Variants in TCHHL1 observed in about 807,000 individuals in gnomAD.
TCHHL1 encodes trichohyalin-like protein 1.
Under a neutral mutation model 3.5 loss-of-function variants are expected in TCHHL1, and 1 was observed. That is an observed-to-expected ratio of 0.29 (90% confidence interval 0.10 to 1.36). TCHHL1 has a LOEUF of 1.36. Among genes scored for constraint, TCHHL1 ranks in the 40% most tolerant of loss-of-function variants. The probability of loss-of-function intolerance (pLI) is 0.43; values close to 1 mark genes in which losing one functional copy is unlikely to be tolerated. For missense variants in TCHHL1, 1,027 were observed against 1,032.8 expected, an observed-to-expected ratio of 0.99 and a Z score of 0.08; for synonymous variants, 405 against 375.3, an observed-to-expected ratio of 1.08 and a Z score of -0.92.
Position 152,087,387 on chromosome 1 carries a change from C to T in TCHHL1, c.295G>A (p.Val99Met), listed in dbSNP as rs954316131. The T allele has an allele frequency of 2.5e-6, 4 of 1,613,302 alleles. No individual in the cohort carries two copies. The highest frequency in any genetic ancestry group is 2.5e-6 in the Non-Finnish European group (3 of 1,180,020). ...KSLLSSELRQ[V>M]TKPEKEKLDD... Reference sequence around the variant, plus strand: ...AGCTTCTCCTTCTCTGGTTTAGTCACCTGTCTTAGTTCAGAACTTAGTAAT... The same window carrying T: ...AGCTTCTCCTTCTCTGGTTTAGTCATCTGTCTTAGTTCAGAACTTAGTAAT... Residue 99 changes from valine (V) to methionine (M), a missense_variant, in exon 3 of 3, where the codon GTG (valine) becomes ATG (methionine). Val to Met is a conservative substitution (Grantham distance 21, BLOSUM62 1). Coordinates refer to ENST00000368806, the MANE Select transcript of TCHHL1 (RefSeq NM_001008536.2).
Position 152,085,026 on chromosome 1 carries a change from C to A in TCHHL1, c.2656G>T (p.Gly886Cys). The change falls in exon 3 of 3, where the codon GGT becomes TGT. Residue 886 changes from glycine to cysteine, a missense_variant. By Grantham distance (159) the Gly-to-Cys change is radical (BLOSUM62 -3). Coordinates refer to ENST00000368806, the MANE Select transcript of TCHHL1 (RefSeq NM_001008536.2). Reference sequence around the variant, plus strand: ...ACCAGCCTCTCTCTCTGAGGGTGACCTTGCTTATCTTCCAAGGCCTGGGGA... The same window carrying A: ...ACCAGCCTCTCTCTCTGAGGGTGACATTGCTTATCTTCCAAGGCCTGGGGA... Reference protein sequence around the residue: ...PAPQALEDKQGHPQRERLVLQ... With the variant: ...PAPQALEDKQCHPQRERLVLQ... 6.2e-7 allele frequency: 1 copy of A among 1,614,056 alleles called. No homozygotes were observed. Among genetic ancestry groups the A allele is most frequent in the Non-Finnish European group, 8.5e-7 (1 of 1,180,016 alleles).
chr1:152,085,485 T>C lies in TCHHL1; in HGVS notation c.2197A>G (p.Lys733Glu), dbSNP rs373015496. The change falls in exon 3 of 3, where the codon AAG becomes GAG. Residue 733 changes from lysine to glutamate, a missense_variant. Physicochemically the swap from Lys to Glu is moderately conservative, Grantham distance 56. This residue lies in a region of TCHHL1 where 673 missense variants were observed against 658.6 expected (regional missense o/e 1.02). Transcript: ENST00000368806. ...SLDEDNSASL[K>E]IQLETKEPVT... ...GGTTCCTTTGTTTCAAGTTGTATCT[T>C]GAGGGAGGCTGAATTGTCCTCATCT... The C allele has an allele frequency of 6.2e-7, 1 of 1,614,100 alleles. No homozygotes were observed. The highest frequency in any genetic ancestry group is 1.3e-5 in the African/African-American group (1 of 74,940).
Position 152,085,670 on chromosome 1 carries a change from T to C in TCHHL1, c.2012A>G (p.Glu671Gly). Residue 671 changes from glutamate (E) to glycine (G), a missense_variant, in exon 3 of 3, where the codon GAG becomes GGG. By Grantham distance (98) the Glu-to-Gly change is moderately conservative (BLOSUM62 -2). Transcript: ENST00000368806. ...GTCTTCATCCAGGGCACCTGTGATCTCTATTTCCAGGGACTTTCTATTTTC... is the reference window on the plus strand; with the variant it reads ...GTCTTCATCCAGGGCACCTGTGATCCCTATTTCCAGGGACTTTCTATTTTC... ...GDENRKSLEI[E>G]ITGALDEDFT... 6.2e-7 allele frequency: 1 copy of C among 1,614,200 alleles called. No individual in the cohort carries two copies.
chr1:152,087,035 T>A lies in TCHHL1; in HGVS notation c.647A>T (p.Lys216Ile). 6.2e-7 allele frequency: 1 copy of A among 1,614,164 alleles called. No individual in the cohort carries two copies. Among genetic ancestry groups the A allele is most frequent in the Non-Finnish European group, 8.5e-7 (1 of 1,180,016 alleles). The change falls in exon 3 of 3, where the codon AAA becomes ATA. Residue 216 changes from lysine (K) to isoleucine (I), a missense_variant. Physicochemically the swap from Lys to Ile is moderately radical, Grantham distance 102. This residue lies in a region of TCHHL1 where 338 missense variants were observed against 335.9 expected (regional missense o/e 1.01). Coordinates refer to ENST00000368806, the MANE Select transcript of TCHHL1 (RefSeq NM_001008536.2). ...CCTCTCTGTGGGACTGCTGGTCTTT[T>A]TTGATCCTGCCATTGGCTTATTTGT... ...LKTNKPMAGS[K>I]KTSSPTERKG...
Position 152,085,729 on chromosome 1 carries a change from T to C in TCHHL1, c.1953A>G (p.Gly651=). Residue 651 remains glycine, a synonymous_variant, in exon 3 of 3, where the codon GGA becomes GGG. Transcript: ENST00000368806. ...KGPGAAVEPN[G]HPEAQESTAG... is the part of the protein sequence containing the mutation. ...CTGTGGATTCCTGTGCTTCTGGGTG[T>C]CCATTGGGCTCCACAGCTGCACCTG... 6.2e-7 allele frequency: 1 copy of C among 1,614,164 alleles called. No homozygotes were observed. The highest frequency in any genetic ancestry group is 8.5e-7 in the Non-Finnish European group (1 of 1,180,022).
Position 152,085,169 on chromosome 1 carries a change from G to A in TCHHL1, c.2513C>T (p.Ser838Phe), listed in dbSNP as rs1170212535. 1.9e-6 allele frequency: 3 copies of A among 1,614,168 alleles called. No homozygotes were observed. The Admixed American group carries it at 5.0e-5, about 27-fold the overall frequency. Reference protein sequence around the residue: ...QASGPELCSVSLTSEISDCSV... With the variant: ...QASGPELCSVFLTSEISDCSV... ...ACAATCTGAGATCTCACTGGTGAGG[G>A]ATACACTGCAAAGCTCTGGGCCTGA... The change falls in exon 3 of 3, where the codon TCC becomes TTC. Residue 838 changes from serine (S) to phenylalanine (F), a missense_variant. Coordinates refer to ENST00000368806, the MANE Select transcript of TCHHL1 (RefSeq NM_001008536.2).
In TCHHL1 at chr1:152,087,422, T is replaced by C. The variant is rs1320572975; in HGVS notation, c.260A>G (p.Asp87Gly). Residue 87 changes from aspartate (D) to glycine (G), a missense_variant, in exon 3 of 3, where the codon GAC (aspartate) becomes GGC (glycine). Asp to Gly is a moderately conservative substitution (Grantham distance 94). This residue lies in a region of TCHHL1 where 338 missense variants were observed against 335.9 expected (regional missense o/e 1.01). Transcript: ENST00000368806. ...IFNLLNLCYL[D>G]IKSLLSSELR... ...TTCAGAACTTAGTAATGATTTTATG[T>C]CAAGATAACAGAGGTTCAACAAGTT... is the stretch of plus-strand genomic sequence containing the variant. 1 of 1,611,554 alleles carries C rather than the reference T, an allele frequency of 6.2e-7. No individual in the cohort carries two copies. Among genetic ancestry groups the C allele is most frequent in the Non-Finnish European group, 8.5e-7 (1 of 1,180,002 alleles).
chr1:152,086,753 G>C lies in TCHHL1; in HGVS notation c.929C>G (p.Ala310Gly). 6.2e-7 allele frequency: 1 copy of C among 1,614,198 alleles called. No individual in the cohort carries two copies. The highest frequency in any genetic ancestry group is 8.5e-7 in the Non-Finnish European group (1 of 1,180,038). Reference protein sequence around the residue: ...SSQHADLPEQAAARSPSQTQK... With the variant: ...SSQHADLPEQGAARSPSQTQK... The stretch of plus-strand genomic sequence containing the variant: ...TGTCTGAGATGGTGACCTGGCAGCA[G>C]CTTGTTCTGGCAGGTCAGCATGCTG... Residue 310 changes from alanine (A) to glycine (G), a missense_variant, in exon 3 of 3, where the codon GCT becomes GGT. Ala to Gly is a moderately conservative substitution (Grantham distance 60). Around this residue, in one of 3 missense-constraint regions of TCHHL1, gnomAD observed 16 missense variants for 38.3 expected, o/e 0.42. Coordinates refer to ENST00000368806, the MANE Select transcript of TCHHL1 (RefSeq NM_001008536.2).
rs375554341 is a variant in TCHHL1, at chr1:152,085,847, G to T, written c.1835C>A (p.Pro612Gln). 30 of 1,614,128 alleles carry T rather than the reference G, an allele frequency of 1.9e-5. No individual in the cohort carries two copies. The highest frequency in any genetic ancestry group is 2.5e-5 in the Non-Finnish European group (30 of 1,180,026). The change falls in exon 3 of 3, where the codon CCA becomes CAA. Residue 612 changes from proline (P) to glutamine (Q), a missense_variant. Physicochemically the swap from Pro to Gln is moderately conservative, Grantham distance 76 (BLOSUM62 -1). Around this residue, in one of 3 missense-constraint regions of TCHHL1, gnomAD observed 673 missense variants for 658.6 expected, o/e 1.02. Coordinates refer to ENST00000368806, the MANE Select transcript of TCHHL1 (RefSeq NM_001008536.2). ...CTGTACATCCTCTCCTCTGACTGCT[G>T]GTACCACTGCCTCCAGAGCTCTGTT... The part of the protein sequence containing the change: ...EKNRALEAVV[P>Q]AVRGEDVQLT...
In TCHHL1 at chr1:152,085,335, G is replaced by C. The variant is rs142545533; in HGVS notation, c.2347C>G (p.Gln783Glu). Reference protein sequence around the residue: ...VPWSSLEKQMQRDQEPCSVER... With the variant: ...VPWSSLEKQMERDQEPCSVER... The stretch of plus-strand genomic sequence containing the variant: ...ACAGAACAGGGCTCTTGGTCTCTCT[G>C]CATCTGCTTTTCAAGACTTGACCAG... The change falls in exon 3 of 3, where the codon CAG becomes GAG. Residue 783 changes from glutamine (Q) to glutamate (E), a missense_variant. By Grantham distance (29) the Gln-to-Glu change is conservative. Around this residue, in one of 3 missense-constraint regions of TCHHL1, gnomAD observed 673 missense variants for 658.6 expected, o/e 1.02. Coordinates refer to ENST00000368806, the MANE Select transcript of TCHHL1 (RefSeq NM_001008536.2). The C allele has an allele frequency of 9.3e-6, 15 of 1,614,038 alleles. No homozygotes were observed. The African/African-American group carries it at 1.9e-4, about 20-fold the overall frequency.
Position 152,085,665 on chromosome 1 carries a change from T to A in TCHHL1, c.2017A>T (p.Thr673Ser), listed in dbSNP as rs1657706737. 1.9e-6 allele frequency: 3 copies of A among 1,614,208 alleles called. No individual in the cohort carries two copies. Among genetic ancestry groups the A allele is most frequent in the East Asian group, 4.5e-5 (2 of 44,890 alleles). ...GTGAAGTCTTCATCCAGGGCACCTG[T>A]GATCTCTATTTCCAGGGACTTTCTA... ...ENRKSLEIEITGALDEDFTDQ... is the reference protein window; with the variant it reads ...ENRKSLEIEISGALDEDFTDQ... The change falls in exon 3 of 3, where the codon ACA becomes TCA. Residue 673 changes from threonine to serine, a missense_variant. Transcript: ENST00000368806.
rs768500320 is a variant in TCHHL1, at chr1:152,085,631, A to G, written c.2051T>C (p.Leu684Pro). 2.5e-6 allele frequency: 4 copies of G among 1,614,156 alleles called. No homozygotes were observed. Among genetic ancestry groups the G allele is most frequent in the Non-Finnish European group, 2.5e-6 (3 of 1,180,040 alleles). Residue 684 changes from leucine to proline, a missense_variant, in exon 3 of 3, where the codon CTT becomes CCT. By Grantham distance (98) the Leu-to-Pro change is moderately conservative (BLOSUM62 -3). Coordinates refer to ENST00000368806, the MANE Select transcript of TCHHL1 (RefSeq NM_001008536.2). ...CTTTCCAGGGAGCTGCATTAGGGAAAGCTGGTCAGTGAAGTCTTCATCCAG... is the reference window on the plus strand; with the variant it reads ...CTTTCCAGGGAGCTGCATTAGGGAAGGCTGGTCAGTGAAGTCTTCATCCAG... ...GALDEDFTDQLSLMQLPGKGD... is the reference protein window; with the variant it reads ...GALDEDFTDQPSLMQLPGKGD...
rs774118389 is a variant in TCHHL1 at position 152,087,089 on chromosome 1, G to C, written c.593C>G (p.Thr198Arg). Residue 198 changes from threonine (T) to arginine (R), a missense_variant, in exon 3 of 3, where the codon ACA becomes AGA. By Grantham distance (71) the Thr-to-Arg change is moderately conservative (BLOSUM62 -1). Around this residue, in one of 3 missense-constraint regions of TCHHL1, gnomAD observed 338 missense variants for 335.9 expected, o/e 1.01. Coordinates refer to ENST00000368806, the MANE Select transcript of TCHHL1 (RefSeq NM_001008536.2). ...QSQEVAQDIQ[T>R]TEDNEGQLKT... ...AAGTTGGCCTTCATTGTCTTCTGTT[G>C]TTTGTATATCTTGAGCCACTTCCTG... 6.2e-7 allele frequency: 1 copy of C among 1,614,052 alleles called. No homozygotes were observed. Among genetic ancestry groups the C allele is most frequent in the Admixed American group, 1.7e-5 (1 of 60,004 alleles).
chr1:152,087,731 A>G (rs1480478574), intron 2 of TCHHL1, among the ~76,000 whole-genome samples, 188 bp from the exon 3 acceptor site: 2 of 152,162 alleles, frequency 1.3e-5, no homozygotes, highest in African/African-American at 4.8e-5. Flanking sequence ...AGCATTTACA[A>G]CACTTGTGAG....
Position 152,087,387 on chromosome 1 carries a change from C to A in TCHHL1, c.295G>T (p.Val99Leu). 1 of 1,613,420 alleles carries A rather than the reference C, an allele frequency of 6.2e-7. No individual in the cohort carries two copies. The highest frequency in any genetic ancestry group is 8.5e-7 in the Non-Finnish European group (1 of 1,180,012). Residue 99 changes from valine to leucine, a missense_variant, in exon 3 of 3, where the codon GTG becomes TTG. Coordinates refer to ENST00000368806, the MANE Select transcript of TCHHL1 (RefSeq NM_001008536.2). ...KSLLSSELRQ[V>L]TKPEKEKLDD... ...AGCTTCTCCTTCTCTGGTTTAGTCA[C>A]CTGTCTTAGTTCAGAACTTAGTAAT...
Position 152,087,333 on chromosome 1 carries a change from C to G in TCHHL1, c.349G>C (p.Gly117Arg). 1 of 1,613,718 alleles carries G rather than the reference C, an allele frequency of 6.2e-7. No homozygotes were observed. ...GTTCCCACTGTCCACTGACCATCTC[C>G]GGTGGTTGCCTGAACATCCACATCA... ...LDDVDVQATT[G>R]DGQWTVGTSP... The change falls in exon 3 of 3, where the codon GGA becomes CGA. Residue 117 changes from glycine (G) to arginine (R), a missense_variant. Physicochemically the swap from Gly to Arg is moderately radical, Grantham distance 125. Around this residue, in one of 3 missense-constraint regions of TCHHL1, gnomAD observed 338 missense variants for 335.9 expected, o/e 1.01. Coordinates refer to ENST00000368806, the MANE Select transcript of TCHHL1 (RefSeq NM_001008536.2).
rs919179508 is a variant in TCHHL1, at chr1:152,084,726, T to G, written c.*241A>C. 24 of 480,078 alleles carry G rather than the reference T, an allele frequency of 5.0e-5. No homozygotes were observed. Among genetic ancestry groups the G allele is most frequent in the Non-Finnish European group, 8.8e-5 (24 of 274,246 alleles). The allele number at this position is 480,078 out of a possible 1,614,324, so 29.7% of individuals were successfully genotyped here. A position where few individuals can be genotyped will look rare whatever the true frequency, so the allele number is the denominator to read the frequency against. On this transcript the variant is annotated 3_prime_UTR_variant, in exon 3 of 3. Coordinates refer to ENST00000368806, the MANE Select transcript of TCHHL1 (RefSeq NM_001008536.2). ...GACAGGTACATTGAGATAAACTGTC[T>G]CATGACAAAGCCCATTTTGGCATTT... is the stretch of plus-strand genomic sequence containing the variant.
At position 152,087,183 on chromosome 1, in the gene TCHHL1, T is replaced by A. The variant is rs77167778; in HGVS notation, c.499A>T (p.Asn167Tyr). The change falls in exon 3 of 3, where the codon AAC (asparagine) becomes TAC (tyrosine). Residue 167 changes from asparagine (N) to tyrosine (Y), a missense_variant. Asn to Tyr is a moderately radical substitution (Grantham distance 143). Around this residue, in one of 3 missense-constraint regions of TCHHL1, gnomAD observed 338 missense variants for 335.9 expected, o/e 1.01. Transcript: ENST00000368806. Reference sequence around the variant, plus strand: ...TGTTCAGATGCTTCTCCTGGAAAGTTGTGAGTCTTGGCTTCTCTCCATGGG... The same window carrying A: ...TGTTCAGATGCTTCTCCTGGAAAGTAGTGAGTCTTGGCTTCTCTCCATGGG... Reference protein sequence around the residue: ...VDPWREAKTHNFPGEASEHND... With the variant: ...VDPWREAKTHYFPGEASEHND... The A allele has an allele frequency of 8.3e-4, 1,332 of 1,614,244 alleles. 32 individuals are homozygous for A. The East Asian group carries it at 0.018, about 22-fold the overall frequency.
Position 152,086,888 on chromosome 1 carries a change from G to T in TCHHL1, c.794C>A (p.Pro265Gln). 9 of 1,614,032 alleles carry T rather than the reference G, an allele frequency of 5.6e-6. No homozygotes were observed. The highest frequency in any genetic ancestry group is 7.6e-6 in the Non-Finnish European group (9 of 1,180,020). Residue 265 changes from proline (P) to glutamine (Q), a missense_variant, in exon 3 of 3, where the codon CCA (proline) becomes CAA (glutamine). Physicochemically the swap from Pro to Gln is moderately conservative, Grantham distance 76. Around this residue, in one of 3 missense-constraint regions of TCHHL1, gnomAD observed 338 missense variants for 335.9 expected, o/e 1.01. Coordinates refer to ENST00000368806, the MANE Select transcript of TCHHL1 (RefSeq NM_001008536.2). ...ACATGGTCTTTGTGTTGCTTCTTTT[G>T]GTGGTGAACTTTGGGTTGCCAAGTT... is the stretch of plus-strand genomic sequence containing the variant. Reference protein sequence around the residue: ...EGNLATQSSPPKEATQRPCED... With the variant: ...EGNLATQSSPQKEATQRPCED...
Sources: allele counts gnomAD v4.1 joint callset (sites outside exome capture counted in the v4.1 genomes callset), GRCh38; gene constraint gnomAD v4.1.1; regional missense constraint gnomAD v4.1.1; transcripts MANE v1.5; gene names NCBI Gene and HGNC (gene_info 2026-07-23, HGNC 2026-07-21).